Variants in PTPRE observed in about 807,000 individuals in gnomAD.
The protein encoded by PTPRE is receptor-type tyrosine-protein phosphatase epsilon.
Under a neutral mutation model 102.0 loss-of-function variants are expected in PTPRE, and 51 were observed. That is an observed-to-expected ratio of 0.50 (90% CI 0.40 to 0.63). The LOEUF is 0.63. Ranked by LOEUF, PTPRE falls within the 30% of genes least tolerant of loss-of-function variation. PTPRE has a pLI of 0.00. For missense variants in PTPRE, 752 were observed against 915.1 expected (o/e 0.82, Z 2.30); for synonymous variants, 345 against 348.2 (o/e 0.99, Z 0.10).
intron 1 of PTPRE, among the ~76,000 whole-genome samples, chr10:127,940,210 A>G (rs1848139949): frequency 6.6e-6 from 1 of 152,100 alleles, no homozygotes; most frequent in African/African-American, 2.4e-5. Flanking sequence ...CCCATCCTAT[A>G]CACCCATCCC....
intron 1 of PTPRE, among the ~76,000 whole-genome samples, chr10:127,954,051 A>G (rs1849228285): frequency 6.6e-6 from 1 of 152,248 alleles, no homozygotes; most frequent in East Asian, 1.9e-4. Context: ...TTCCATATCA[A>G]TGCCTACCAA....
At chr10:127,908,462 G>A (rs185002469) in intron 1 of PTPRE, among the ~76,000 whole-genome samples, 2 of 152,172 alleles carry the variant, frequency 1.3e-5, no homozygotes, top group African/African-American at 2.4e-5. Flanking sequence ...GGTGTGGAGG[G>A]TCGTTTCCAA....
At chr10:127,980,678 T>C (rs1357848888) in intron 1 of PTPRE, among the ~76,000 whole-genome samples, 1 of 152,178 alleles carries the variant, frequency 6.6e-6, no homozygotes, top group Admixed American at 6.5e-5. Flanking sequence ...CCAGAAGTAT[T>C]TTTTCTGCTT....
intron 2 of PTPRE, among the ~76,000 whole-genome samples, chr10:128,031,029 G>T (rs1037556994): frequency 3.9e-5 from 6 of 152,226 alleles, no homozygotes; most frequent in Admixed American, 2.6e-4. Context: ...GAGGTGGGAG[G>T]AGGGGCCAAG....
chr10:127,924,470 G>T (rs971584822), intron 1 of PTPRE, among the ~76,000 whole-genome samples: 1 of 152,046 alleles, frequency 6.6e-6, no homozygotes, highest in Non-Finnish European at 1.5e-5. Context: ...AAGATCCTAC[G>T]CCTACACCTC....
At chr10:128,054,601 C>G (rs974370981) in intron 6 of PTPRE, among the ~76,000 whole-genome samples, 1 of 151,726 alleles carries the variant, frequency 6.6e-6, no homozygotes, top group Non-Finnish European at 1.5e-5. Flanking sequence ...TTGGGACCAA[C>G]AAACCCCATG....
intron 2 of PTPRE, among the ~76,000 whole-genome samples, chr10:128,038,939 C>T (rs1197267387): frequency 6.6e-6 from 1 of 152,118 alleles, no homozygotes; most frequent in African/African-American, 2.4e-5. Context: ...CACTTCCGGA[C>T]CTCAGTGTCT....
At chr10:127,943,714 C>T (rs1265843432) in intron 1 of PTPRE, among the ~76,000 whole-genome samples, 1 of 152,242 alleles carries the variant, frequency 6.6e-6, no homozygotes, top group Non-Finnish European at 1.5e-5. Context: ...CTTTATTCTG[C>T]AGTTGGTCAG....
At position 128,068,135 on chromosome 10, in the gene PTPRE, G is replaced by A; in HGVS notation, c.856G>A (p.Gly286Ser). Residue 286 changes from glycine (G) to serine (S), a missense_variant, in exon 12 of 21, where the codon GGC (glycine) becomes AGC (serine). Transcript: ENST00000254667. Reference sequence around the variant, plus strand: ...GCGTCCCCCGCAGCAGCTCCCCGACGGCTGCAAAGCCCCCAGGCTGGTCTC... The same window carrying A: ...GCGTCCCCCGCAGCAGCTCCCCGACAGCTGCAAAGCCCCCAGGCTGGTCTC... ...KFCIQPQLPD[G>S]CKAPRLVSQL... is the part of the protein sequence containing the mutation. 10 of 1,612,756 alleles carry A rather than the reference G, an allele frequency of 6.2e-6. No homozygotes were observed. The highest frequency in any genetic ancestry group is 2.2e-5 in the South Asian group (2 of 91,012).
At chr10:127,962,104 T>G (rs942155082) in intron 1 of PTPRE, among the ~76,000 whole-genome samples, 18 of 152,156 alleles carry the variant, frequency 1.2e-4, no homozygotes, top group Admixed American at 3.3e-4. Flanking sequence ...GGAAGCACAG[T>G]AAGTATTCTG....
chr10:127,960,403 G>A (rs72845885), intron 1 of PTPRE, among the ~76,000 whole-genome samples: 303 of 152,340 alleles, frequency 2.0e-3, no homozygotes, highest in Non-Finnish European at 3.3e-3. Flanking sequence ...TCATTTGCAA[G>A]ATCCTTTGTC....
chr10:127,966,796 T>A (rs570494436), intron 1 of PTPRE, among the ~76,000 whole-genome samples: 1 of 152,310 alleles, frequency 6.6e-6, no homozygotes, highest in East Asian at 1.9e-4. Context: ...GCCACATTTT[T>A]TGACCACGAC....
At chr10:128,080,819 C>G (rs1349889801) in intron 20 of PTPRE, among the ~76,000 whole-genome samples, 1 of 152,178 alleles carries the variant, frequency 6.6e-6, no homozygotes, top group East Asian at 1.9e-4. Flanking sequence ...AATGCCTGGC[C>G]CGTGGCGAGG....
At chr10:128,030,595 C>T (rs916015498) in intron 2 of PTPRE, among the ~76,000 whole-genome samples, 2 of 152,186 alleles carry the variant, frequency 1.3e-5, no homozygotes, top group African/African-American at 4.8e-5. Flanking sequence ...CCGTGGAGCA[C>T]CTCCTCTGTG....
chr10:128,052,330 C>T (rs1848623583), intron 6 of PTPRE, among the ~76,000 whole-genome samples: 1 of 152,166 alleles, frequency 6.6e-6, no homozygotes, highest in African/African-American at 2.4e-5. Context: ...GTGTGCATTG[C>T]CAATTCAAAG....
intron 2 of PTPRE, among the ~76,000 whole-genome samples, chr10:128,022,609 G>C (rs1373583229): frequency 6.6e-6 from 1 of 152,198 alleles, no homozygotes; most frequent in South Asian, 2.1e-4. Context: ...ACCTCCAGAG[G>C]CCCCTCCAGA....
At chr10:128,075,443 C>T (rs943371555) in intron 17 of PTPRE, among the ~76,000 whole-genome samples, 1 of 151,866 alleles carries the variant, frequency 6.6e-6, no homozygotes, top group Non-Finnish European at 1.5e-5. Flanking sequence ...CCTCCCCTCA[C>T]CCTCCACCCC....
intron 1 of PTPRE, among the ~76,000 whole-genome samples, chr10:127,926,864 T>C (rs1298074022): frequency 7.2e-6 from 1 of 139,616 alleles, no homozygotes; most frequent in Admixed American, 7.9e-5. Flanking sequence ...CAGGCTGGAG[T>C]GCAGTGGTGT....
intron 1 of PTPRE, among the ~76,000 whole-genome samples, chr10:127,957,511 T>C (rs962907390): frequency 1.3e-5 from 2 of 152,304 alleles, no homozygotes; most frequent in South Asian, 2.1e-4. Context: ...TACCTTTTAT[T>C]TTCTTGTCTC....
Sources: gnomAD v4.1 joint callset for allele counts (sites outside exome capture counted in the v4.1 genomes callset) on GRCh38, gnomAD v4.1.1 for gene constraint, MANE v1.5 for transcripts, NCBI Gene and HGNC (gene_info 2026-07-23, HGNC 2026-07-21) for gene names.